The following ATP10B variants were observed in gnomAD, a reference collection of about 807,000 sequenced individuals.
ATP10B encodes ATPase phospholipid transporting 10B (putative), also known as phospholipid-transporting ATPase VB.
In ATP10B, 122 loss-of-function variants were observed where a neutral mutation model predicts 141.2. The ratio of observed to expected loss-of-function variants is 0.86; its 90% confidence interval spans 0.75 to 1.00. The LOEUF is 1.00. Ranked by LOEUF, ATP10B falls within the 50% of genes least tolerant of loss-of-function variation. The probability of loss-of-function intolerance (pLI) is 0.00; values close to 1 mark genes in which losing one functional copy is unlikely to be tolerated. For synonymous variants in ATP10B, 685 were observed against 692.0 expected (o/e 0.99, Z 0.16); for missense variants, 1,876 against 1,825.3 (o/e 1.03, Z -0.51).
chr5:160,825,044 C>T (rs1774474579), intron 1 of ATP10B, among the ~76,000 whole-genome samples: 1 of 152,092 alleles, frequency 6.6e-6, no homozygotes, highest in African/African-American at 2.4e-5. Context: ...CTTTAATTCA[C>T]CTTTTTGTTT....
intron 8 of ATP10B, among the ~76,000 whole-genome samples, chr5:160,646,130 C>G (rs1030320777): frequency 1.3e-5 from 2 of 152,110 alleles, no homozygotes; most frequent in Non-Finnish European, 2.9e-5. Context: ...CAAGGCTATA[C>G]AACTAGTACA....
chr5:160,693,757 C>T (rs532254026), intron 3 of ATP10B, among the ~76,000 whole-genome samples: 14 of 152,170 alleles, frequency 9.2e-5, no homozygotes, highest in Admixed American at 7.2e-4. Flanking sequence ...ATAAGGAGGG[C>T]GTGACCTAGA....
chr5:160,602,688 G>A lies in ATP10B; in HGVS notation c.3252C>T (p.Ser1084=), dbSNP rs372413354. ...GQEGMQAVMS[S]DFAITRFKHL... is the part of the protein sequence containing the mutation. ...GCTTAAAGCGGGTGATGGCAAAGTC[G>A]CTGGACATGACAGCCTGAGAGGTGA... Residue 1084 remains serine, a synonymous_variant, in exon 21 of 26, where the codon AGC becomes AGT. Transcript: ENST00000327245. 999 of 1,613,768 alleles carry A rather than the reference G, an allele frequency of 6.2e-4. 4 individuals are homozygous for A. The highest frequency in any genetic ancestry group is 5.1e-4 in the Non-Finnish European group (605 of 1,179,826).
At chr5:160,917,352 C>G in the ATP10B span, among the ~76,000 whole-genome samples, 1 of 148,008 alleles carries the variant, frequency 6.8e-6, no homozygotes, top group Non-Finnish European at 1.5e-5. Context: ...TGTTATCAGA[C>G]AAGGACACAG....
chr5:160,814,213 G>A (rs970552570), intron 1 of ATP10B, among the ~76,000 whole-genome samples: 2 of 152,050 alleles, frequency 1.3e-5, no homozygotes, highest in Non-Finnish European at 2.9e-5. Context: ...CGAACCCATG[G>A]CAAAGAAGTT....
chr5:160,842,976 A>G (rs545918158), intron 1 of ATP10B, among the ~76,000 whole-genome samples: 1 of 152,308 alleles, frequency 6.6e-6, no homozygotes, highest in African/African-American at 2.4e-5. Flanking sequence ...TACCAAAAGC[A>G]GATGAACACC....
intron 24 of ATP10B, among the ~76,000 whole-genome samples, chr5:160,570,512 G>T (rs1212370700): frequency 6.6e-6 from 1 of 152,176 alleles, no homozygotes; most frequent in Non-Finnish European, 1.5e-5. Flanking sequence ...ACTTACTGCA[G>T]TCTAAAGCTT....
chr5:160,732,697 T>C (rs1766830562), intron 2 of ATP10B, among the ~76,000 whole-genome samples: 1 of 152,204 alleles, frequency 6.6e-6, no homozygotes, highest in East Asian at 1.9e-4. Flanking sequence ...TCAGTTACTA[T>C]AGCTTTGTAG....
chr5:160,686,815 A>G, intron 5 of ATP10B: 1 of 314,384 alleles, frequency 3.2e-6, no homozygotes, highest in Non-Finnish European at 4.6e-6. Flanking sequence ...CATGATATAC[A>G]GCAGAGGGCT....
At chr5:160,885,104 T>C in the ATP10B span, among the ~76,000 whole-genome samples, 1 of 152,224 alleles carries the variant, frequency 6.6e-6, no homozygotes, top group Non-Finnish European at 1.5e-5. Flanking sequence ...CCACCTCTGA[T>C]CCTTTTGGGA....
intron 2 of ATP10B, among the ~76,000 whole-genome samples, chr5:160,738,069 T>C (rs2963196): frequency 0.9 from 136,332 of 152,148 alleles, 61,354 homozygotes; most frequent in African/African-American, 0.98. Context: ...ATCTAAAAAG[T>C]CTGAAATCAT....
rs1296216743 is a variant in ATP10B at position 160,564,671 on chromosome 5, T to C, written c.*782A>G. 1 of 152,070 alleles carries C rather than the reference T, an allele frequency of 6.6e-6. No individual in the cohort carries two copies. The highest frequency in any genetic ancestry group is 2.4e-5 in the African/African-American group (1 of 41,404). The allele number at this position is 152,070 out of a possible 1,614,324, so 9.4% of individuals were successfully genotyped here. ...TAAAAATAGATACAATAAATAGCTT[T>C]AAAAAAAGAGTGCCACCTATGTCCT... is the stretch of plus-strand genomic sequence containing the variant. On this transcript the variant is annotated 3_prime_UTR_variant, in exon 26 of 26. Coordinates refer to ENST00000327245, the MANE Select transcript of ATP10B (RefSeq NM_025153.3).
rs532383960 is a variant in ATP10B at position 160,670,570 on chromosome 5, G to A, written c.568C>T (p.Leu190Phe). Reference sequence around the variant, plus strand: ...CCATTGGGGTCAGAGGAAAAAAGGAGGAGTATGTCTGCTGGGACAATCTCA... The same window carrying A: ...CCATTGGGGTCAGAGGAAAAAAGGAAGAGTATGTCTGCTGGGACAATCTCA... Reference protein sequence around the residue: ...CNEIVPADILLLFSSDPNGIC... With the variant: ...CNEIVPADILFLFSSDPNGIC... Residue 190 changes from leucine (L) to phenylalanine (F), a missense_variant, in exon 7 of 26, where the codon CTC becomes TTC. By Grantham distance (22) the Leu-to-Phe change is conservative. Transcript: ENST00000327245. 6.2e-6 allele frequency: 10 copies of A among 1,613,992 alleles called. No individual in the cohort carries two copies. The African/African-American group carries it at 8.0e-5, about 13-fold the overall frequency.
chr5:160,614,390 A>C (rs534226225), intron 17 of ATP10B: 2 of 152,328 alleles, frequency 1.3e-5, no homozygotes, highest in Non-Finnish European at 2.9e-5. Context: ...CACCCAGAAG[A>C]ACCGGAGGAA....
the ATP10B span, among the ~76,000 whole-genome samples, chr5:160,877,118 T>G: frequency 2.6e-5 from 4 of 152,112 alleles, no homozygotes; most frequent in African/African-American, 9.7e-5. Flanking sequence ...TGATGAACAT[T>G]GATGCAAAAA....
intron 24 of ATP10B, among the ~76,000 whole-genome samples, chr5:160,577,073 G>A (rs1012169396): frequency 3.3e-5 from 5 of 152,192 alleles, no homozygotes; most frequent in Admixed American, 3.3e-4. Context: ...GTAATCTGAG[G>A]AATATGGCAT....
intron 6 of ATP10B, 39 bp downstream of exon 6, chr5:160,686,039 AC>A (rs1447733556): frequency 6.8e-7 from 1 of 1,460,786 alleles, no homozygotes; most frequent in Non-Finnish European, 9.2e-7. Flanking sequence ...AGTTTGCCTA[AC>A]CCATTTGCAA....
intron 2 of ATP10B, among the ~76,000 whole-genome samples, chr5:160,762,676 GACA>G (rs1769125959): frequency 6.6e-6 from 1 of 151,562 alleles, no homozygotes; most frequent in Non-Finnish European, 1.5e-5. Flanking sequence ...AAAGTATTCA[GACA>G]ACAACTAGCA....
intron 7 of ATP10B, among the ~76,000 whole-genome samples, chr5:160,653,602 TATAC>T (rs1761132364): frequency 3.0e-5 from 1 of 32,938 alleles, no homozygotes; most frequent in African/African-American, 8.5e-5. Context: ...TATATACATA[TATAC>T]ATATATACAT....
Sources: allele counts gnomAD v4.1 joint callset (sites outside exome capture counted in the v4.1 genomes callset), GRCh38; gene constraint gnomAD v4.1.1; transcripts MANE v1.5; gene names NCBI Gene and HGNC (gene_info 2026-07-23, HGNC 2026-07-21).